COL28A1: variants seen among roughly 807,000 people sequenced by gnomAD.
The protein encoded by COL28A1 is collagen type XXVIII alpha 1 chain, also known as collagen alpha-1(XXVIII) chain.
A neutral mutation model predicts 150.2 loss-of-function variants in COL28A1; 161 were observed. The observed-to-expected ratio is 1.07, with a 90% CI of 0.94 to 1.22. COL28A1 has a LOEUF of 1.22. Ranked by LOEUF, COL28A1 falls within the 50% of genes most tolerant of loss-of-function variation. COL28A1 has a pLI of 0.00. For synonymous variants in COL28A1, 552 were observed against 469.7 expected (o/e 1.18, Z -2.26); for missense variants, 1,617 against 1,388.3 (o/e 1.16, Z -2.62).
At chr7:7,430,830 T>A (rs1784920512) in intron 25 of COL28A1, among the ~76,000 whole-genome samples, 1 of 152,116 alleles carries the variant, frequency 6.6e-6, no homozygotes, top group African/African-American at 2.4e-5. Flanking sequence ...TTTGGTGCAG[T>A]TTATTGATAC....
upstream of COL28A1, among the ~76,000 whole-genome samples, chr7:7,537,218 C>A (rs1049375972): frequency 6.6e-6 from 1 of 152,160 alleles, no homozygotes; most frequent in Non-Finnish European, 1.5e-5. Context: ...CAGCCCTGGA[C>A]AGGATGCAGT....
chr7:7,494,693 G>A (rs138502169), intron 11 of COL28A1, among the ~76,000 whole-genome samples: 2 of 152,294 alleles, frequency 1.3e-5, no homozygotes, highest in South Asian at 2.1e-4. Context: ...AAATCAGATT[G>A]CACCTGCACT....
intron 33 of COL28A1, among the ~76,000 whole-genome samples, chr7:7,363,648 T>C (rs113709448): frequency 0.065 from 9,879 of 152,186 alleles, 1,085 homozygotes; most frequent in African/African-American, 0.23. Context: ...TATTTTTCCC[T>C]AGTCTTTTTT....
At chr7:7,370,692 T>G in intron 33 of COL28A1, 33 bp downstream of exon 33, 1 of 1,570,748 alleles carries the variant, frequency 6.4e-7, no homozygotes, top group South Asian at 1.2e-5. Context: ...TACACCATTT[T>G]AAGCTCACAA....
At chr7:7,517,349 A>G (rs576854171) in intron 7 of COL28A1, among the ~76,000 whole-genome samples, 1 of 152,346 alleles carries the variant, frequency 6.6e-6, no homozygotes, top group South Asian at 2.1e-4. Context: ...TTCTTGGGCA[A>G]TATCCACTAT....
intron 11 of COL28A1, among the ~76,000 whole-genome samples, chr7:7,505,778 T>C (rs1198420407): frequency 6.6e-6 from 1 of 152,188 alleles, no homozygotes; most frequent in East Asian, 1.9e-4. Context: ...TTCTAGATAA[T>C]GGCTTATAGT....
At chr7:7,407,769 A>T (rs1783568126) in intron 27 of COL28A1, among the ~76,000 whole-genome samples, 1 of 152,100 alleles carries the variant, frequency 6.6e-6, no homozygotes, top group Non-Finnish European at 1.5e-5. Flanking sequence ...TACATGAATA[A>T]ATCTAAATAA....
chr7:7,363,073 G>GT (rs918201348), intron 33 of COL28A1, among the ~76,000 whole-genome samples: 7 of 151,730 alleles, frequency 4.6e-5, no homozygotes, highest in East Asian at 3.9e-4. Context: ...AAAAGTACTG[G>GT]TTTTTTTTGC....
intron 18 of COL28A1, among the ~76,000 whole-genome samples, chr7:7,451,862 T>G (rs1023761178): frequency 6.6e-6 from 1 of 152,196 alleles, no homozygotes; most frequent in Admixed American, 6.5e-5. Flanking sequence ...CTACATCTTA[T>G]ATATTCTTCT....
chr7:7,371,487 A>G (rs771245311), intron 32 of COL28A1, among the ~76,000 whole-genome samples: 2 of 152,238 alleles, frequency 1.3e-5, no homozygotes, highest in African/African-American at 4.8e-5. Flanking sequence ...CCTTAGGGCC[A>G]GTGTGCTGGT....
chr7:7,462,217 G>C (rs1355583331), intron 15 of COL28A1, among the ~76,000 whole-genome samples: 2 of 152,146 alleles, frequency 1.3e-5, no homozygotes, highest in Non-Finnish European at 2.9e-5. Context: ...TGGGACAAAA[G>C]GAATTTAATG....
At position 7,533,612 on chromosome 7, in the gene COL28A1, A is replaced by G. The variant is rs572765290; in HGVS notation, c.-37-700T>C. Among the ~76,000 whole-genome samples the G allele has an allele frequency of 7.2e-5, 11 of 152,290 alleles. No homozygotes were observed. In the South Asian group the frequency reaches 2.3e-3, roughly 32 times the overall value. The stretch of plus-strand genomic sequence containing the variant: ...TCTTCCAGTGATGGCTAAAAGAACT[A>G]ATGGACAGAAACGGGACTTAAAGCC... On this transcript the variant is annotated intron_variant, in intron 1 of 34. Coordinates refer to ENST00000399429, the MANE Select transcript of COL28A1 (RefSeq NM_001037763.3).
chr7:7,436,247 GT>G (rs1331946737), intron 23 of COL28A1, 147 bp downstream of exon 23: 7 of 647,656 alleles, frequency 1.1e-5, no homozygotes, highest in Admixed American at 2.8e-5. Context: ...GTGATTGCTT[GT>G]TTTTTTAAAA....
At chr7:7,338,885 T>C in the COL28A1 span, among the ~76,000 whole-genome samples, 18,203 of 152,048 alleles carry the variant, frequency 0.12, 1,277 homozygotes, top group African/African-American at 0.18. Flanking sequence ...TCAAGAGATA[T>C]TGCAGACTTC....
chr7:7,438,450 G>C (rs6945047), intron 21 of COL28A1, among the ~76,000 whole-genome samples: 29,798 of 152,096 alleles, frequency 0.2, 3,303 homozygotes, highest in African/African-American at 0.3. Flanking sequence ...GTTTGGTAAT[G>C]CACAGTTCTG....
At chr7:7,366,018 T>C (rs995687364) in intron 33 of COL28A1, among the ~76,000 whole-genome samples, 1 of 152,198 alleles carries the variant, frequency 6.6e-6, no homozygotes, top group South Asian at 2.1e-4. Flanking sequence ...AAGGGTGTAA[T>C]GCAGGATTTT....
intron 27 of COL28A1, among the ~76,000 whole-genome samples, chr7:7,417,053 G>C (rs1325437408): frequency 6.6e-6 from 1 of 152,048 alleles, no homozygotes; most frequent in Non-Finnish European, 1.5e-5. Context: ...GGGGGCAGCA[G>C]TGGAATCGGA....
intron 23 of COL28A1, among the ~76,000 whole-genome samples, chr7:7,435,702 A>G (rs1015726974): frequency 6.6e-6 from 1 of 152,216 alleles, no homozygotes; most frequent in Non-Finnish European, 1.5e-5. Flanking sequence ...TCATCAGTTT[A>G]GTACTTGAAC....
chr7:7,454,058 G>A (rs1274503263), intron 16 of COL28A1, among the ~76,000 whole-genome samples: 1 of 152,092 alleles, frequency 6.6e-6, no homozygotes, highest in African/African-American at 2.4e-5. Flanking sequence ...CAATATAAAG[G>A]AGGTTTTTAT....
Sources: allele counts gnomAD v4.1 joint callset (sites outside exome capture counted in the v4.1 genomes callset), GRCh38; gene constraint gnomAD v4.1.1; transcripts MANE v1.5; gene names NCBI Gene and HGNC (gene_info 2026-07-23, HGNC 2026-07-21).